Variants in SGCZ observed in about 807,000 individuals in gnomAD.
SGCZ encodes the protein sarcoglycan zeta, also known as zeta-sarcoglycan.
Under a neutral mutation model 41.3 loss-of-function variants are expected in SGCZ, and 40 were observed. The ratio of observed to expected loss-of-function variants is 0.97; its 90% confidence interval spans 0.75 to 1.26. The LOEUF (loss-of-function observed/expected upper bound fraction) is 1.26. Among genes scored for constraint, SGCZ ranks in the 50% most tolerant of loss-of-function variants. The pLI, the probability that SGCZ is intolerant of heterozygous loss-of-function variation, is 0.00. For synonymous variants in SGCZ, 206 were observed against 137.5 expected (o/e 1.50, Z -3.49); for missense variants, 552 against 369.8 (o/e 1.49, Z -4.04).
chr8:14,138,092 T>C (rs1398594042), intron 5 of SGCZ, among the ~76,000 whole-genome samples: 2 of 152,030 alleles, frequency 1.3e-5, no homozygotes, highest in Non-Finnish European at 2.9e-5. Context: ...GCTTCATAAG[T>C]GAAGGAGAAA....
intron 1 of SGCZ, among the ~76,000 whole-genome samples, chr8:15,186,566 T>G (rs1050015489): frequency 2.6e-5 from 4 of 152,174 alleles, no homozygotes; most frequent in African/African-American, 9.7e-5. Context: ...AGCTTTGAAA[T>G]AATATCTATT....
At chr8:14,111,531 T>C (rs182927213) in intron 5 of SGCZ, among the ~76,000 whole-genome samples, 38 of 152,286 alleles carry the variant, frequency 2.5e-4, no homozygotes, top group Admixed American at 9.2e-4. Flanking sequence ...ATTGAATAAA[T>C]GTTTGTTTTT....
intron 3 of SGCZ, among the ~76,000 whole-genome samples, chr8:14,255,363 A>G (rs1214375655): frequency 6.6e-6 from 1 of 152,154 alleles, no homozygotes; most frequent in East Asian, 1.9e-4. Flanking sequence ...AGATGTTTTC[A>G]TGATTAATAA....
intron 1 of SGCZ, among the ~76,000 whole-genome samples, chr8:14,582,745 G>A (rs1430887724): frequency 6.8e-6 from 1 of 146,612 alleles, no homozygotes; most frequent in Non-Finnish European, 1.5e-5. Context: ...ACCTATGAGT[G>A]AGAACATGTG....
intron 1 of SGCZ, among the ~76,000 whole-genome samples, chr8:15,189,684 G>A (rs1800467972): frequency 6.6e-6 from 1 of 152,030 alleles, no homozygotes; most frequent in East Asian, 1.9e-4. Flanking sequence ...AAGTAGCTGG[G>A]ATTACAGGTG....
chr8:14,365,805 G>A (rs1803685475), intron 2 of SGCZ, among the ~76,000 whole-genome samples: 1 of 151,702 alleles, frequency 6.6e-6, no homozygotes, highest in African/African-American at 2.4e-5. Context: ...AAATTTATTG[G>A]GATAAGGCTG....
intron 2 of SGCZ, among the ~76,000 whole-genome samples, chr8:14,490,348 T>G (rs996783987): frequency 5.3e-5 from 8 of 152,204 alleles, no homozygotes; most frequent in African/African-American, 1.9e-4. Flanking sequence ...AATTTATGTC[T>G]TCTGTGCATT....
Position 14,844,759 on chromosome 8 carries a change from C to A in SGCZ, c.40-289833G>T, listed in dbSNP as rs181425050. Among the ~76,000 whole-genome samples, 20 of 152,290 alleles carry A rather than the reference C, an allele frequency of 1.3e-4. No individual in the cohort carries two copies. The East Asian group carries it at 3.5e-3, about 26-fold the overall frequency. ...ATGGAATAACAGGAGCTGAGTTTAC[C>A]TTTCTCCCTGAAACAATCAACAGAG... On this transcript the variant is annotated intron_variant, in intron 1 of 7. Coordinates refer to ENST00000382080, the MANE Select transcript of SGCZ (RefSeq NM_139167.4).
intron 1 of SGCZ, among the ~76,000 whole-genome samples, chr8:14,618,244 T>C (rs1036521517): frequency 1.3e-5 from 2 of 152,162 alleles, no homozygotes; most frequent in East Asian, 3.8e-4. Flanking sequence ...ATATGGTATG[T>C]TATACAAGGT....
chr8:14,986,582 T>A (rs1304814956), intron 1 of SGCZ, among the ~76,000 whole-genome samples: 2 of 152,142 alleles, frequency 1.3e-5, no homozygotes, highest in African/African-American at 4.8e-5. Flanking sequence ...AATAGTATTT[T>A]AATGTTAAAT....
chr8:14,177,035 T>C (rs934380213), intron 4 of SGCZ, among the ~76,000 whole-genome samples: 1 of 152,086 alleles, frequency 6.6e-6, no homozygotes, highest in Admixed American at 6.6e-5. Flanking sequence ...TGTGTAACGG[T>C]TGGTATACAG....
At chr8:14,856,661 A>G (rs994148977) in intron 1 of SGCZ, among the ~76,000 whole-genome samples, 1 of 152,156 alleles carries the variant, frequency 6.6e-6, no homozygotes, top group East Asian at 1.9e-4. Context: ...GATTGTTCCA[A>G]TAGGAAATAA....
At chr8:14,744,031 C>T (rs997733451) in intron 1 of SGCZ, among the ~76,000 whole-genome samples, 4 of 152,088 alleles carry the variant, frequency 2.6e-5, no homozygotes, top group Admixed American at 1.3e-4. Context: ...GAAGAAGAGG[C>T]TGAGCCCACA....
intron 4 of SGCZ, among the ~76,000 whole-genome samples, chr8:14,229,789 G>A (rs142093169): frequency 1.9e-3 from 286 of 152,014 alleles, no homozygotes; most frequent in Middle Eastern, 6.8e-3. Flanking sequence ...TTGCTTTAAC[G>A]CAAGATTGCA....
At chr8:15,083,226 G>C (rs17120884) in intron 1 of SGCZ, among the ~76,000 whole-genome samples, 26,024 of 152,024 alleles carry the variant, frequency 0.17, 2,873 homozygotes, top group African/African-American at 0.3. Flanking sequence ...CCTTTCTCTG[G>C]TTAATTACAA....
At chr8:15,049,105 G>T (rs575748729) in intron 1 of SGCZ, among the ~76,000 whole-genome samples, 1 of 152,228 alleles carries the variant, frequency 6.6e-6, no homozygotes, top group African/African-American at 2.4e-5. Flanking sequence ...ACACAATGGA[G>T]CCACAATCGT....
In SGCZ at chr8:14,316,968, C is replaced by T. The variant is rs78842895; in HGVS notation, c.336+7135G>A. On this transcript the variant is annotated intron_variant, in intron 3 of 7. Transcript: ENST00000382080. Reference sequence around the variant, plus strand: ...CCTAACCTACCCCCACCCCTACATTCCCAATTCTTCTTTGCAGTGATTAGT... The same window carrying T: ...CCTAACCTACCCCCACCCCTACATTTCCAATTCTTCTTTGCAGTGATTAGT... Among the ~76,000 whole-genome samples the T allele has an allele frequency of 6.8e-3, 1,031 of 152,026 alleles. 11 individuals are homozygous for T. The highest frequency in any genetic ancestry group is 0.017 in the Middle Eastern group (5 of 294).
chr8:14,337,922 C>A (rs893802481), intron 2 of SGCZ, among the ~76,000 whole-genome samples: 1 of 152,076 alleles, frequency 6.6e-6, no homozygotes, highest in African/African-American at 2.4e-5. Flanking sequence ...AATGAGGGGC[C>A]AGGTCAGAGG....
intron 5 of SGCZ, among the ~76,000 whole-genome samples, chr8:14,139,435 T>C (rs1803299492): frequency 6.6e-6 from 1 of 151,940 alleles, no homozygotes; most frequent in African/African-American, 2.4e-5. Context: ...ACAAAATAGG[T>C]AGACTGCTAG....
Sources: allele counts gnomAD v4.1 joint callset (sites outside exome capture counted in the v4.1 genomes callset), GRCh38; gene constraint gnomAD v4.1.1; transcripts MANE v1.5; gene names NCBI Gene and HGNC (gene_info 2026-07-23, HGNC 2026-07-21).